The following CCSER1 variants were observed in gnomAD, a reference collection of about 807,000 sequenced individuals.
The protein encoded by CCSER1 is coiled-coil serine rich protein 1.
In CCSER1, 41 loss-of-function variants were observed where a neutral mutation model predicts 82.0. The ratio of observed to expected loss-of-function variants is 0.50; its 90% confidence interval spans 0.39 to 0.65. CCSER1 has a LOEUF of 0.65. Ranked by LOEUF, CCSER1 falls within the 30% of genes least tolerant of loss-of-function variation. CCSER1 has a pLI of 0.00. For missense variants in CCSER1, 1,119 were observed against 1,064.2 expected, an observed-to-expected ratio of 1.05 and a Z score of -0.72; for synonymous variants, 414 against 383.9, an observed-to-expected ratio of 1.08 and a Z score of -0.92.
intron 1 of CCSER1, among the ~76,000 whole-genome samples, chr4:90,137,050 C>G (rs1203018589): frequency 6.6e-6 from 1 of 152,066 alleles, no homozygotes; most frequent in Non-Finnish European, 1.5e-5. Flanking sequence ...ACAGATAGCT[C>G]AAGAATAATT....
At chr4:90,131,191 G>T (rs1177805811) in intron 1 of CCSER1, among the ~76,000 whole-genome samples, 1 of 152,046 alleles carries the variant, frequency 6.6e-6, no homozygotes, top group Non-Finnish European at 1.5e-5. Flanking sequence ...AGTAGAGATG[G>T]GGTTTCACCA....
intron 1 of CCSER1, among the ~76,000 whole-genome samples, chr4:90,129,980 ATGAG>A (rs1429608685): frequency 1.3e-5 from 2 of 152,206 alleles, no homozygotes; most frequent in Non-Finnish European, 2.9e-5. Flanking sequence ...AGTCCTATTT[ATGAG>A]TATTTTGTTT....
At chr4:91,097,368 G>A (rs1724613137) in intron 10 of CCSER1, among the ~76,000 whole-genome samples, 1 of 152,130 alleles carries the variant, frequency 6.6e-6, no homozygotes, top group East Asian at 1.9e-4. Flanking sequence ...AGGAACCATA[G>A]AGGCTATGCA....
chr4:91,098,234 GA>G (rs1724702860), intron 10 of CCSER1, among the ~76,000 whole-genome samples: 1 of 152,100 alleles, frequency 6.6e-6, no homozygotes, highest in Admixed American at 6.5e-5. Flanking sequence ...AATAGACTTG[GA>G]TAGACTTTGC....
chr4:91,218,118 G>C (rs7696348), intron 10 of CCSER1, among the ~76,000 whole-genome samples: 65,823 of 152,168 alleles, frequency 0.43, 14,901 homozygotes, highest in East Asian at 0.84. Context: ...CTGCCCCGTG[G>C]GAAGGCAGCT....
At chr4:90,527,881 A>G (rs1319605667) in intron 5 of CCSER1, among the ~76,000 whole-genome samples, 1 of 152,162 alleles carries the variant, frequency 6.6e-6, no homozygotes, top group Non-Finnish European at 1.5e-5. Context: ...GCTTTACCTA[A>G]AATATACAAG....
chr4:90,554,770 T>G (rs1272037176), intron 5 of CCSER1, among the ~76,000 whole-genome samples: 1 of 152,170 alleles, frequency 6.6e-6, no homozygotes, highest in Non-Finnish European at 1.5e-5. Context: ...AGCTAACAGA[T>G]TTGACTTCTC....
In CCSER1 at chr4:90,283,033, G is replaced by A. The variant is rs557333136; in HGVS notation, c.-41-25211G>A. ...GCTTTCTCATGCTTTGAAAATAAAC[G>A]GCTTTGCTTTACCTGAATATTTATT... is the stretch of plus-strand genomic sequence containing the variant. On this transcript the variant is annotated intron_variant, in intron 1 of 10. Coordinates refer to ENST00000509176, the MANE Select transcript of CCSER1 (RefSeq NM_001145065.2). Among the ~76,000 whole-genome samples, 100 of 151,978 alleles carry A rather than the reference G, an allele frequency of 6.6e-4. 2 individuals carry two copies. The South Asian group carries it at 0.017, about 25-fold the overall frequency.
At chr4:90,615,081 A>G (rs1048731434) in intron 5 of CCSER1, among the ~76,000 whole-genome samples, 3 of 152,212 alleles carry the variant, frequency 2.0e-5, no homozygotes, top group African/African-American at 7.2e-5. Context: ...AGCATAGATG[A>G]CAACACATCT....
intron 8 of CCSER1, among the ~76,000 whole-genome samples, chr4:90,864,116 A>G (rs1765442507): frequency 6.6e-6 from 1 of 151,666 alleles, no homozygotes. Context: ...TTCATGGGCT[A>G]GGATCCTCCC....
chr4:91,522,772 G>A (rs541725697), intron 10 of CCSER1, among the ~76,000 whole-genome samples: 1 of 152,078 alleles, frequency 6.6e-6, no homozygotes, highest in African/African-American at 2.4e-5. Flanking sequence ...GGAGATTTTG[G>A]GCTGAGCTGA....
intron 10 of CCSER1, among the ~76,000 whole-genome samples, chr4:91,430,695 C>T (rs1754248101): frequency 6.6e-6 from 1 of 152,150 alleles, no homozygotes; most frequent in African/African-American, 2.4e-5. Flanking sequence ...AGTTGAAAAC[C>T]ATTTTAGAAA....
At chr4:90,736,210 C>T (rs1745622353) in intron 7 of CCSER1, among the ~76,000 whole-genome samples, 1 of 152,024 alleles carries the variant, frequency 6.6e-6, no homozygotes, top group Admixed American at 6.5e-5. Flanking sequence ...CTGTAAATAT[C>T]TGTTAGGTCC....
chr4:90,908,494 C>T (rs1189534972), intron 8 of CCSER1, among the ~76,000 whole-genome samples: 1 of 151,938 alleles, frequency 6.6e-6, no homozygotes, highest in Non-Finnish European at 1.5e-5. Flanking sequence ...CAGAATGCTG[C>T]AATAACAGTA....
chr4:90,947,162 G>A (rs1175049689), intron 9 of CCSER1, among the ~76,000 whole-genome samples: 2 of 152,132 alleles, frequency 1.3e-5, no homozygotes, highest in East Asian at 1.9e-4. Flanking sequence ...AGGGAGCAAG[G>A]AGGAGCAAAT....
At chr4:91,346,672 A>G (rs1341929722) in intron 10 of CCSER1, among the ~76,000 whole-genome samples, 1 of 152,146 alleles carries the variant, frequency 6.6e-6, no homozygotes, top group East Asian at 1.9e-4. Context: ...TTGGATTTTC[A>G]TCATTCTCAC....
chr4:91,355,212 T>A (rs1578251616), intron 10 of CCSER1, among the ~76,000 whole-genome samples: 1 of 145,724 alleles, frequency 6.9e-6, no homozygotes, highest in South Asian at 2.2e-4. Context: ...TTTTTTTTTT[T>A]AACTGTTTAA....
rs1342661151 is a variant in CCSER1 at position 91,496,599 on chromosome 4, TTTGA to T, written c.2218-101972_2218-101969del. ...ATATATATATATACACGAATATATA[TTTGA>T]ATATATATATACACGAATATATATT... On this transcript the variant is annotated intron_variant, in intron 10 of 10. Coordinates refer to ENST00000509176, the MANE Select transcript of CCSER1 (RefSeq NM_001145065.2). 1.4e-4 allele frequency among the ~76,000 whole-genome samples: 4 copies of T among 28,364 alleles called. 1 individual carries two copies. Among genetic ancestry groups the T allele is most frequent in the Non-Finnish European group, 3.3e-4 (4 of 12,084 alleles). 18.6% of individuals were successfully genotyped at this position (28,364 alleles called of 152,430 possible).
rs574053614 is a variant in CCSER1 at position 90,841,474 on chromosome 4, A to C, written c.2094+25629A>C. The stretch of plus-strand genomic sequence containing the variant: ...ATGCCTGTAGTCCCAGCTACTCGGG[A>C]GGCTGAGGCAGGAGAATGGCTTGAA... On this transcript the variant is annotated intron_variant, in intron 8 of 10. Transcript: ENST00000509176. Among the ~76,000 whole-genome samples, 10 of 148,472 alleles carry C rather than the reference A, an allele frequency of 6.7e-5. No individual in the cohort carries two copies. In the South Asian group the frequency reaches 2.2e-3, roughly 33 times the overall value.
Sources: allele counts gnomAD v4.1 joint callset (sites outside exome capture counted in the v4.1 genomes callset), GRCh38; gene constraint gnomAD v4.1.1; transcripts MANE v1.5; gene names NCBI Gene and HGNC (gene_info 2026-07-23, HGNC 2026-07-21).